The following FAM78B variants were observed in gnomAD, a reference collection of about 807,000 sequenced individuals.
FAM78B encodes the protein protein FAM78B.
FAM78B carries 10 observed loss-of-function variants against 20.0 expected under a neutral mutation model. The ratio of observed to expected loss-of-function variants is 0.50; its 90% CI spans 0.31 to 0.85. The LOEUF (loss-of-function observed/expected upper bound fraction) is 0.85. Among genes scored for constraint, FAM78B ranks in the 40% least tolerant of loss-of-function variants. The pLI, the probability that FAM78B is intolerant of heterozygous loss-of-function variation, is 0.05. For missense variants in FAM78B, 283 were observed against 345.0 expected (o/e 0.82, Z 1.42); for synonymous variants, 135 against 132.8 (o/e 1.02, Z -0.12).
intron 1 of FAM78B, among the ~76,000 whole-genome samples, chr1:166,134,200 T>G (rs1329708879): frequency 9.8e-6 from 1 of 102,036 alleles, no homozygotes; most frequent in African/African-American, 3.8e-5. Context: ...CAGTCCCCCA[T>G]CCCACCCCCG....
intron 1 of FAM78B, among the ~76,000 whole-genome samples, chr1:166,136,927 T>C (rs1238462073): frequency 6.6e-6 from 1 of 152,208 alleles, no homozygotes; most frequent in Non-Finnish European, 1.5e-5. Context: ...GCTAACTGAA[T>C]GCACTCGTAT....
intron 1 of FAM78B, among the ~76,000 whole-genome samples, chr1:166,113,255 T>G (rs948118747): frequency 6.6e-6 from 1 of 152,206 alleles, no homozygotes; most frequent in Non-Finnish European, 1.5e-5. Context: ...TCTGCCTCCT[T>G]ACAGACTTCC....
chr1:166,110,414 T>C (rs1654005283), intron 1 of FAM78B, among the ~76,000 whole-genome samples: 1 of 152,184 alleles, frequency 6.6e-6, no homozygotes, highest in Non-Finnish European at 1.5e-5. Flanking sequence ...GCAAGTGAGC[T>C]TTCACTTCTG....
intron 1 of FAM78B, among the ~76,000 whole-genome samples, chr1:166,161,640 T>A (rs768191522): frequency 5.3e-5 from 8 of 152,076 alleles, no homozygotes; most frequent in African/African-American, 7.2e-5. Context: ...GAGAGAGTGG[T>A]GGCTGGATTA....
intron 1 of FAM78B, among the ~76,000 whole-genome samples, chr1:166,090,212 T>C (rs138689116): frequency 2.0e-4 from 31 of 152,298 alleles, no homozygotes; most frequent in African/African-American, 7.0e-4. Flanking sequence ...AAGATGTCCA[T>C]GTGAAAACTA....
intron 1 of FAM78B, chr1:166,147,642 T>C (rs1354369078): frequency 6.6e-6 from 1 of 152,228 alleles, no homozygotes; most frequent in Non-Finnish European, 1.5e-5. Context: ...CCATGATTTT[T>C]TTTTTTTGAG....
rs1304985397 is a variant in FAM78B, at chr1:166,166,585, C to T, written c.-337G>A. On this transcript the variant is annotated 5_prime_UTR_variant, in exon 1 of 2. It introduces an in-frame stop codon into an upstream open reading frame of the 5' UTR. Coordinates refer to ENST00000354422, the MANE Select transcript of FAM78B (RefSeq NM_001017961.5). ...GAGCGGCGCTGCGAGGAATGGTGCCCACCCCGGGCCGGAGCCCCCCGCCCC... is the reference window on the plus strand; with the variant it reads ...GAGCGGCGCTGCGAGGAATGGTGCCTACCCCGGGCCGGAGCCCCCCGCCCC... 6 of 150,792 alleles carry T rather than the reference C, an allele frequency of 4.0e-5. No homozygotes were observed. The highest frequency in any genetic ancestry group is 8.9e-5 in the Non-Finnish European group (6 of 67,618). 9.3% of individuals were successfully genotyped at this position (150,792 alleles called of 1,614,324 possible). A position where few individuals can be genotyped will look rare whatever the true frequency, so the allele number is the denominator to read the frequency against.
At chr1:166,063,472 C>T (rs1456282673) in intron 2 of FAM78B, among the ~76,000 whole-genome samples, 1 of 152,158 alleles carries the variant, frequency 6.6e-6, no homozygotes, top group Non-Finnish European at 1.5e-5. Context: ...ACTCCCAGGC[C>T]TGTGCGTGGC....
chr1:166,109,862 G>GTGTATA (rs1179378097), intron 1 of FAM78B, among the ~76,000 whole-genome samples: 6 of 16,270 alleles, frequency 3.7e-4, no homozygotes, highest in Non-Finnish European at 6.6e-4. Flanking sequence ...ATATATATAT[G>GTGTATA]TATGTGTATA....
chr1:166,116,017 T>C (rs1439478333), intron 1 of FAM78B, among the ~76,000 whole-genome samples: 1 of 152,252 alleles, frequency 6.6e-6, no homozygotes, highest in African/African-American at 2.4e-5. Flanking sequence ...GACCTGTGAC[T>C]GTGTGTGAGT....
At chr1:166,105,657 C>T (rs1174754459) in intron 1 of FAM78B, among the ~76,000 whole-genome samples, 5 of 152,084 alleles carry the variant, frequency 3.3e-5, no homozygotes, top group South Asian at 2.1e-4. Context: ...CACAATGAGA[C>T]ACTATCTCAC....
At chr1:166,139,667 A>G (rs1242440712) in intron 1 of FAM78B, among the ~76,000 whole-genome samples, 1 of 152,184 alleles carries the variant, frequency 6.6e-6, no homozygotes, top group Non-Finnish European at 1.5e-5. Flanking sequence ...CTTCAGCACC[A>G]ACTCTAACAC....
At chr1:166,129,164 A>T (rs963527854) in intron 1 of FAM78B, among the ~76,000 whole-genome samples, 1 of 152,190 alleles carries the variant, frequency 6.6e-6, no homozygotes, top group African/African-American at 2.4e-5. Context: ...CAGTGCCCAG[A>T]GCCCCTGCTG....
chr1:166,124,464 C>A (rs544593844), intron 1 of FAM78B, among the ~76,000 whole-genome samples: 6 of 152,300 alleles, frequency 3.9e-5, no homozygotes, highest in African/African-American at 1.2e-4. Context: ...CCATAACAAC[C>A]CTATGAGGTG....
At chr1:166,165,740 T>G (rs1410557594) in intron 1 of FAM78B, among the ~76,000 whole-genome samples, 1 of 152,116 alleles carries the variant, frequency 6.6e-6, no homozygotes, top group South Asian at 2.1e-4. Flanking sequence ...GCCCCGCACC[T>G]TTCTCCTCGC....
intron 1 of FAM78B, among the ~76,000 whole-genome samples, chr1:166,077,795 TTATA>T (rs1174559788): frequency 3.8e-5 from 5 of 131,472 alleles, no homozygotes; most frequent in African/African-American, 1.1e-4. Context: ...ATACATATAA[TTATA>T]TATATTTATA....
intron 1 of FAM78B, among the ~76,000 whole-genome samples, chr1:166,144,043 G>A (rs537756843): frequency 6.6e-6 from 1 of 152,232 alleles, no homozygotes; most frequent in African/African-American, 2.4e-5. Flanking sequence ...TAAGGCGTAA[G>A]TAATGATGAC....
chr1:166,117,947 C>T (rs1304799489), intron 1 of FAM78B, among the ~76,000 whole-genome samples: 1 of 151,910 alleles, frequency 6.6e-6, no homozygotes, highest in East Asian at 1.9e-4. Context: ...CGACATGACG[C>T]AATTGGGAGG....
rs1491373797 is a variant in FAM78B at position 166,077,934 on chromosome 1, A to AT, written c.264-7172dup. ...TAATTATATATATAATAAATATATA[A>AT]TAATATATATAATTTATATATATAA... On this transcript the variant is annotated intron_variant, in intron 1 of 1. Coordinates refer to ENST00000354422, the MANE Select transcript of FAM78B (RefSeq NM_001017961.5). Among the ~76,000 whole-genome samples, 89 of 12,048 alleles carry AT rather than the reference A, an allele frequency of 7.4e-3. 11 individuals carry two copies. The highest frequency in any genetic ancestry group is 0.071 in the Middle Eastern group (1 of 14). 7.9% of individuals were successfully genotyped at this position (12,048 alleles called of 152,430 possible). A position where few individuals can be genotyped will look rare whatever the true frequency, so the allele number is the denominator to read the frequency against.
Sources: allele counts gnomAD v4.1 joint callset (sites outside exome capture counted in the v4.1 genomes callset), GRCh38; gene constraint gnomAD v4.1.1; transcripts MANE v1.5; gene names NCBI Gene and HGNC (gene_info 2026-07-23, HGNC 2026-07-21).